The following ABCB6 variants were observed in gnomAD, a reference collection of about 807,000 sequenced individuals.
ABCB6 encodes the protein ATP binding cassette subfamily B member 6 (LAN blood group), also known as ATP-binding cassette sub-family B member 6.
In ABCB6, 87 loss-of-function variants were observed where a neutral mutation model predicts 99.4. That is an observed-to-expected ratio of 0.88 (90% CI 0.74 to 1.05). The LOEUF is 1.05. Ranked by LOEUF, ABCB6 falls within the 50% of genes least tolerant of loss-of-function variation. The pLI is 0.00. For missense variants in ABCB6, 1,050 were observed against 1,097.9 expected, an observed-to-expected ratio of 0.96 and a Z score of 0.62; for synonymous variants, 482 against 447.5, an observed-to-expected ratio of 1.08 and a Z score of -0.97.
At position 219,214,688 on chromosome 2, in the gene ABCB6, G is replaced by A. The variant is rs1008555261; in HGVS notation, c.1277-190C>T. ...TAGAAAACGCTTTTGGTAAATGAAA[G>A]CAAGCTGCATCTTGTTACACAAACG... On this transcript the variant is annotated intron_variant, in intron 6 of 18. Transcript: ENST00000265316. The A allele has an allele frequency of 5.6e-5, 35 of 628,074 alleles. No individual in the cohort carries two copies. In the Middle Eastern group the frequency reaches 2.5e-3, roughly 45 times the overall value. The allele number at this position is 628,074 out of a possible 1,614,324, so 38.9% of individuals were successfully genotyped here. A position where few individuals can be genotyped will look rare whatever the true frequency, so the allele number is the denominator to read the frequency against.
chr2:219,211,619 AC>A (rs1950579526), intron 14 of ABCB6, among the ~76,000 whole-genome samples: 3 of 72,814 alleles, frequency 4.1e-5, no homozygotes, highest in African/African-American at 5.4e-5. Flanking sequence ...ATATCGTTGT[AC>A]CTTTTTTTTT....
In ABCB6 at chr2:219,214,954, C is replaced by T. The variant is rs750110093; in HGVS notation, c.1276+7G>A. The T allele has an allele frequency of 1.1e-5, 18 of 1,613,936 alleles. No individual in the cohort carries two copies. Among genetic ancestry groups the T allele is most frequent in the Middle Eastern group, 1.6e-4 (1 of 6,080 alleles). On this transcript the variant is annotated splice_region_variant and intron_variant, in intron 6 of 18. Coordinates refer to ENST00000265316, the MANE Select transcript of ABCB6 (RefSeq NM_005689.4). ...TCAGGGAGACGGTGTCTCCCAGCAG[C>T]ACTCACTGAGGTAAAGACTCATGCA... is the stretch of plus-strand genomic sequence containing the variant.
At chr2:219,213,698 G>A (rs180869783) in intron 9 of ABCB6, 32 bp from the exon 10 acceptor site, 12 of 1,613,296 alleles carry the variant, frequency 7.4e-6, no homozygotes, top group Middle Eastern at 1.7e-4. Flanking sequence ...AGCATGTCAC[G>A]GGGGGCCTGC....
chr2:219,217,375 G>A (rs1354187327), intron 2 of ABCB6, among the ~76,000 whole-genome samples: 1 of 151,550 alleles, frequency 6.6e-6, no homozygotes, highest in Non-Finnish European at 1.5e-5. Flanking sequence ...GCCAGGCGCA[G>A]TGGCTCACGC....
At chr2:219,210,522 C>G (rs369046834) in intron 16 of ABCB6, 47 bp from the exon 17 acceptor site, 5 of 1,604,918 alleles carry the variant, frequency 3.1e-6, no homozygotes, top group Non-Finnish European at 4.3e-6. Context: ...TCAAAACCCT[C>G]AATGGAAGGA....
chr2:219,216,611 A>G lies in ABCB6; in HGVS notation c.868+41T>C, dbSNP rs1333334135. 1 of 1,541,394 alleles carries G rather than the reference A, an allele frequency of 6.5e-7. No individual in the cohort carries two copies. The highest frequency in any genetic ancestry group is 1.4e-5 in the African/African-American group (1 of 72,858). On this transcript the variant is annotated intron_variant, in intron 3 of 18. Coordinates refer to ENST00000265316, the MANE Select transcript of ABCB6 (RefSeq NM_005689.4). The surrounding 1 kb of genome is among the most constrained non-coding windows in gnomAD (Gnocchi z 4.2). ...AAGGACCATCCCAGCCACCAGGCTGATGAAGGACCAGCACACTGAGCTGGT... is the reference window on the plus strand; with the variant it reads ...AAGGACCATCCCAGCCACCAGGCTGGTGAAGGACCAGCACACTGAGCTGGT...
At position 219,218,771 on chromosome 2, in the gene ABCB6, T is replaced by C. The variant is rs1950683892; in HGVS notation, c.-98A>G. Reference sequence around the variant, plus strand: ...GGCGCGGACATCCGGGTGCCTTGGCTCACGTAGCCGCTGGGCGCCAAGCTG... The same window carrying C: ...GGCGCGGACATCCGGGTGCCTTGGCCCACGTAGCCGCTGGGCGCCAAGCTG... On this transcript the variant is annotated 5_prime_UTR_variant, in exon 1 of 19. Transcript: ENST00000265316. 1 of 1,333,000 alleles carries C rather than the reference T, an allele frequency of 7.5e-7. No individual in the cohort carries two copies. Among genetic ancestry groups the C allele is most frequent in the East Asian group, 2.7e-5 (1 of 37,570 alleles). 82.6% of individuals were successfully genotyped at this position (1,333,000 alleles called of 1,614,324 possible). A position where few individuals can be genotyped will look rare whatever the true frequency, so the allele number is the denominator to read the frequency against.
chr2:219,214,698 T>A, intron 6 of ABCB6, 200 bp from the exon 7 acceptor site: 2 of 626,802 alleles, frequency 3.2e-6, no homozygotes, highest in Non-Finnish European at 5.6e-6. Flanking sequence ...GCAAGCTGCA[T>A]CTTGTTACAC....
At chr2:219,212,621 C>G (rs375295819) in intron 13 of ABCB6, 130 bp from the exon 14 acceptor site, 1 of 700,062 alleles carries the variant, frequency 1.4e-6, no homozygotes, top group South Asian at 1.7e-5. Flanking sequence ...CTCCCAGGTT[C>G]AAGCGATTCT....
intron 9 of ABCB6, 24 bp downstream of exon 9, chr2:219,213,802 C>A (rs796934839): frequency 6.2e-7 from 1 of 1,613,900 alleles, no homozygotes; most frequent in Non-Finnish European, 8.5e-7. Flanking sequence ...GTGCCCCACT[C>A]TCTCATCCAA....
Position 219,209,963 on chromosome 2 carries a change from G to A in ABCB6, c.2504C>T (p.Thr835Ile), listed in dbSNP as rs1267444481. 1 of 1,614,182 alleles carries A rather than the reference G, an allele frequency of 6.2e-7. No homozygotes were observed. The highest frequency in any genetic ancestry group is 8.5e-7 in the Non-Finnish European group (1 of 1,180,012). Residue 835 changes from threonine (T) to isoleucine (I), a missense_variant, in exon 19 of 19, where the codon ACT becomes ATT. By Grantham distance (89) the Thr-to-Ile change is moderately conservative (BLOSUM62 -1). Coordinates refer to ENST00000265316, the MANE Select transcript of ABCB6 (RefSeq NM_005689.4). ...QQGQEETSEDTKPQTMER is the reference protein window; with the variant it reads ...QQGQEETSEDIKPQTMER ...TCACCGTTCCATGGTCTGAGGCTTA[G>A]TGTCTTCAGAGGTTTCTTCCTGTCC...
rs761652371 is a variant in ABCB6 at position 219,217,824 on chromosome 2, G to A, written c.550-17C>T. 1 of 1,608,070 alleles carries A rather than the reference G, an allele frequency of 6.2e-7. No homozygotes were observed. Among genetic ancestry groups the A allele is most frequent in the East Asian group, 2.2e-5 (1 of 44,724 alleles). On this transcript the variant is annotated splice_polypyrimidine_tract_variant and intron_variant, in intron 1 of 18. Coordinates refer to ENST00000265316, the MANE Select transcript of ABCB6 (RefSeq NM_005689.4). Reference sequence around the variant, plus strand: ...AAACTGAACCTAGAATGAAATATAAGTGGAGAGAGTATCATTGAGGATAAA... The same window carrying A: ...AAACTGAACCTAGAATGAAATATAAATGGAGAGAGTATCATTGAGGATAAA...
chr2:219,210,346 A>G, intron 17 of ABCB6, 35 bp downstream of exon 17: 2 of 1,614,158 alleles, frequency 1.2e-6, no homozygotes, highest in South Asian at 1.1e-5. Flanking sequence ...AAAGCGGGCC[A>G]CATCACCAGC....
chr2:219,217,552 G>A, intron 2 of ABCB6, 118 bp downstream of exon 2: 2 of 781,504 alleles, frequency 2.6e-6, no homozygotes, highest in Non-Finnish European at 4.2e-6. Flanking sequence ...GCTGAGGCAG[G>A]AGAATCGCTT....
At position 219,216,370 on chromosome 2, in the gene ABCB6, T is replaced by TG; in HGVS notation, c.963dup (p.Ser322GlnfsTer112). 6.2e-7 allele frequency: 1 copy of TG among 1,613,730 alleles called. No homozygotes were observed. Among genetic ancestry groups the TG allele is most frequent in the East Asian group, 2.2e-5 (1 of 44,880 alleles). On this transcript the variant is annotated frameshift_variant, in exon 4 of 19. Transcript: ENST00000265316. LOFTEE classifies it high-confidence loss of function. The surrounding 1 kb of genome is among the most constrained non-coding windows in gnomAD (Gnocchi z 4.2). ...AGGGCGGAGTCTCTCATACCTGTAC[T>TG]GCCAGTGCCACCCCCCTGGAGGAAC... is the stretch of plus-strand genomic sequence containing the variant.
At chr2:219,211,739 A>ATG (rs1359699646) in intron 14 of ABCB6, among the ~76,000 whole-genome samples, 3 of 144,190 alleles carry the variant, frequency 2.1e-5, no homozygotes, top group Non-Finnish European at 4.5e-5. Context: ...GTGGGACTAC[A>ATG]TGTGTGTGCC....
At chr2:219,211,258 CCT>C (rs1950575827) in intron 14 of ABCB6, 150 bp from the exon 15 acceptor site, 2 of 784,540 alleles carry the variant, frequency 2.5e-6, no homozygotes, top group Middle Eastern at 2.9e-4. Context: ...GCAAATCACT[CCT>C]CTCTGTTTCC....
Position 219,218,701 on chromosome 2 carries a change from G to C in ABCB6, c.-28C>G. 1 of 1,519,720 alleles carries C rather than the reference G, an allele frequency of 6.6e-7. No individual in the cohort carries two copies. The highest frequency in any genetic ancestry group is 8.8e-7 in the Non-Finnish European group (1 of 1,133,084). 94.1% of individuals were successfully genotyped at this position (1,519,720 alleles called of 1,614,324 possible). ...CAATGCGTGGACGCCGGCCGAGGCTGCGGGCACTGCGGGACCGGAGGCCGG... is the reference window on the plus strand; with the variant it reads ...CAATGCGTGGACGCCGGCCGAGGCTCCGGGCACTGCGGGACCGGAGGCCGG... On this transcript the variant is annotated 5_prime_UTR_variant, in exon 1 of 19. Transcript: ENST00000265316.
chr2:219,212,964 G>A, intron 13 of ABCB6, 44 bp downstream of exon 13: 1 of 1,604,274 alleles, frequency 6.2e-7, no homozygotes. Flanking sequence ...ACTGAATGAG[G>A]GAAGCTTGAG....
Sources: allele counts gnomAD v4.1 joint callset (sites outside exome capture counted in the v4.1 genomes callset), GRCh38; gene constraint gnomAD v4.1.1; non-coding constraint Gnocchi (gnomAD v3.1); transcripts MANE v1.5; gene names NCBI Gene and HGNC (gene_info 2026-07-23, HGNC 2026-07-21).